Variants in KIAA1549L observed in about 807,000 individuals in gnomAD.
The protein encoded by KIAA1549L is KIAA1549 like, also known as UPF0606 protein KIAA1549L.
In KIAA1549L, 88 loss-of-function variants were observed where a neutral mutation model predicts 160.7. The ratio of observed to expected loss-of-function variants is 0.55; its 90% CI spans 0.46 to 0.65. The LOEUF (loss-of-function observed/expected upper bound fraction) is 0.65, where lower values mean the gene tolerates loss of function less well. Among genes scored for constraint, KIAA1549L ranks in the 30% least tolerant of loss-of-function variants. The pLI is 0.00. For missense variants in KIAA1549L, 2,258 were observed against 2,437.5 expected, an observed-to-expected ratio of 0.93 and a Z score of 1.55; for synonymous variants, 950 against 976.7, an observed-to-expected ratio of 0.97 and a Z score of 0.51.
At chr11:33,388,242 C>T (rs1850211008) in intron 1 of KIAA1549L, among the ~76,000 whole-genome samples, 1 of 152,164 alleles carries the variant, frequency 6.6e-6, no homozygotes, top group Non-Finnish European at 1.5e-5. Context: ...GGGAAACAAA[C>T]ACATTCTTCT....
intron 16 of KIAA1549L, among the ~76,000 whole-genome samples, chr11:33,637,288 G>T (rs1851460898): frequency 6.6e-6 from 1 of 152,142 alleles, no homozygotes; most frequent in African/African-American, 2.4e-5. Flanking sequence ...CCTAATCCAG[G>T]CCCCTGTCAT....
intron 16 of KIAA1549L, among the ~76,000 whole-genome samples, chr11:33,630,590 C>G (rs963988192): frequency 1.3e-5 from 2 of 152,252 alleles, no homozygotes; most frequent in African/African-American, 4.8e-5. Flanking sequence ...AGGGAACTCC[C>G]TGACCCTTTG....
chr11:33,399,151 C>T (rs1468995115), intron 1 of KIAA1549L, among the ~76,000 whole-genome samples: 1 of 152,062 alleles, frequency 6.6e-6, no homozygotes, highest in Non-Finnish European at 1.5e-5. Flanking sequence ...CAGGGTTTCA[C>T]CATGTTGGCC....
chr11:33,618,730 C>T (rs1850886597), intron 16 of KIAA1549L, 68 bp downstream of exon 16: 2 of 1,338,314 alleles, frequency 1.5e-6, no homozygotes, highest in South Asian at 3.6e-5. Context: ...GATAGGGCAT[C>T]CCACTGTGTT....
intron 1 of KIAA1549L, among the ~76,000 whole-genome samples, chr11:33,422,661 T>C (rs1412880610): frequency 6.6e-6 from 1 of 151,224 alleles, no homozygotes; most frequent in African/African-American, 2.4e-5. Context: ...GCAGTCCTTA[T>C]ATTTTGATCA....
chr11:33,615,044 A>G (rs1850773806), intron 15 of KIAA1549L, among the ~76,000 whole-genome samples: 1 of 152,072 alleles, frequency 6.6e-6, no homozygotes, highest in Admixed American at 6.5e-5. Context: ...CCCAAAACAC[A>G]AATCTACTCC....
At chr11:33,434,187 A>G (rs7358346) in intron 1 of KIAA1549L, among the ~76,000 whole-genome samples, 4,624 of 152,160 alleles carry the variant, frequency 0.03, 240 homozygotes, top group African/African-American at 0.11. Flanking sequence ...GGTATCTGAT[A>G]TGGTGGAGAT....
At chr11:33,601,352 C>G (rs986551723) in intron 13 of KIAA1549L, among the ~76,000 whole-genome samples, 1 of 152,108 alleles carries the variant, frequency 6.6e-6, no homozygotes, top group African/African-American at 2.4e-5. Context: ...TAGGATAGAA[C>G]TTTATGAAAA....
intron 1 of KIAA1549L, among the ~76,000 whole-genome samples, chr11:33,417,232 C>T (rs1474460658): frequency 6.6e-6 from 1 of 152,162 alleles, no homozygotes; most frequent in Non-Finnish European, 1.5e-5. Flanking sequence ...TCACGTTTTT[C>T]AAACTTTCTG....
intron 10 of KIAA1549L, among the ~76,000 whole-genome samples, chr11:33,575,561 G>C (rs1411495440): frequency 6.6e-6 from 1 of 152,206 alleles, no homozygotes; most frequent in Non-Finnish European, 1.5e-5. Flanking sequence ...CTGAGGCTCA[G>C]AAAAATGAAA....
At chr11:33,392,284 C>A (rs545492769) in intron 1 of KIAA1549L, among the ~76,000 whole-genome samples, 7 of 152,336 alleles carry the variant, frequency 4.6e-5, no homozygotes, top group Admixed American at 4.6e-4. Flanking sequence ...CCTATATCTA[C>A]CATCTAAATG....
chr11:33,615,453 G>A (rs545519455), intron 15 of KIAA1549L, among the ~76,000 whole-genome samples: 7 of 152,062 alleles, frequency 4.6e-5, no homozygotes, highest in African/African-American at 1.2e-4. Flanking sequence ...AAAGTATATA[G>A]CAAAATATCA....
chr11:33,389,826 G>A (rs1436697874), intron 1 of KIAA1549L, among the ~76,000 whole-genome samples: 1 of 152,208 alleles, frequency 6.6e-6, no homozygotes, highest in Non-Finnish European at 1.5e-5. Context: ...CTAAGAGAGG[G>A]TTGAGAAAGT....
At position 33,591,303 on chromosome 11, in the gene KIAA1549L, C is replaced by T. The variant is rs758502716; in HGVS notation, c.4633C>T (p.Pro1545Ser). 1.9e-6 allele frequency: 3 copies of T among 1,613,566 alleles called. No individual in the cohort carries two copies. The highest frequency in any genetic ancestry group is 4.5e-5 in the East Asian group (2 of 44,852). ...GCAAGGGGCAGATGAGGAGGTCATC[C>T]CTGTGACTCAGGAGACAGTGGTTCT... Reference protein sequence around the residue: ...GQQGADEEVIPVTQETVVLPL... With the variant: ...GQQGADEEVISVTQETVVLPL... Residue 1545 changes from proline (P) to serine (S), a missense_variant, in exon 12 of 21, where the codon CCT (proline) becomes TCT (serine). Physicochemically the swap from Pro to Ser is moderately conservative, Grantham distance 74. Around this residue, in one of 6 missense-constraint regions of KIAA1549L, gnomAD observed 1,359 missense variants for 1,546.6 expected, o/e 0.88. Coordinates refer to ENST00000658780, the MANE Select transcript of KIAA1549L (RefSeq NM_012194.3).
intron 1 of KIAA1549L, among the ~76,000 whole-genome samples, chr11:33,462,579 G>A (rs1217149054): frequency 6.6e-6 from 1 of 152,052 alleles, no homozygotes; most frequent in East Asian, 1.9e-4. Context: ...CGGGAAGCTT[G>A]GCCCTAGGGA....
intron 17 of KIAA1549L, among the ~76,000 whole-genome samples, chr11:33,655,118 T>C (rs769024297): frequency 2.6e-5 from 4 of 152,238 alleles, no homozygotes; most frequent in Non-Finnish European, 4.4e-5. Context: ...AAGGAGGTTG[T>C]GGCCTGGCTC....
chr11:33,630,745 G>A (rs977859369), intron 16 of KIAA1549L, among the ~76,000 whole-genome samples: 19 of 152,182 alleles, frequency 1.2e-4, no homozygotes, highest in Admixed American at 4.6e-4. Context: ...CATCTTCTGC[G>A]TCGCTCACGC....
At chr11:33,533,290 A>C (rs1361629655) in intron 1 of KIAA1549L, among the ~76,000 whole-genome samples, 1 of 152,216 alleles carries the variant, frequency 6.6e-6, no homozygotes, top group Non-Finnish European at 1.5e-5. Context: ...TCAGGAAGAC[A>C]GAGGCCTGAA....
chr11:33,433,046 G>T (rs537885882), intron 1 of KIAA1549L, among the ~76,000 whole-genome samples: 1 of 152,074 alleles, frequency 6.6e-6, no homozygotes, highest in African/African-American at 2.4e-5. Flanking sequence ...TGACAAAAAC[G>T]CCAAAAGCAA....
Sources: gnomAD v4.1 joint callset for allele counts (sites outside exome capture counted in the v4.1 genomes callset) on GRCh38, gnomAD v4.1.1 for gene constraint, gnomAD v4.1.1 regional missense constraint, MANE v1.5 for transcripts, NCBI Gene and HGNC (gene_info 2026-07-23, HGNC 2026-07-21) for gene names.